Variants in PSMD1 observed in about 807,000 individuals in gnomAD.
The protein encoded by PSMD1 is 26S proteasome non-ATPase regulatory subunit 1.
A neutral mutation model predicts 119.0 loss-of-function variants in PSMD1; 18 were observed. The observed-to-expected ratio is 0.15, with a 90% CI of 0.10 to 0.22. The LOEUF (loss-of-function observed/expected upper bound fraction) is 0.22, where lower values mean the gene tolerates loss of function less well. Among genes scored for constraint, PSMD1 ranks in the 10% least tolerant of loss-of-function variants. The probability of loss-of-function intolerance (pLI) is 1.00; values close to 1 mark genes in which losing one functional copy is unlikely to be tolerated. For missense variants in PSMD1, 702 were observed against 1,158.5 expected, an observed-to-expected ratio of 0.61 and a Z score of 5.72; for synonymous variants, 374 against 396.6, an observed-to-expected ratio of 0.94 and a Z score of 0.68.
intron 23 of PSMD1, among the ~76,000 whole-genome samples, chr2:231,166,249 C>T (rs1221204314): frequency 2.0e-5 from 3 of 152,152 alleles, no homozygotes; most frequent in East Asian, 1.9e-4. Flanking sequence ...AGACATACGA[C>T]GTAGGAGTTC....
chr2:231,083,422 T>G (rs1217826310), intron 13 of PSMD1, 145 bp from the exon 14 acceptor site: 2 of 782,588 alleles, frequency 2.6e-6, no homozygotes, highest in African/African-American at 3.5e-5. Flanking sequence ...TAAAGTATCC[T>G]TTTTACCAGG....
At chr2:231,087,009 A>G (rs1401316717) in intron 15 of PSMD1, 108 bp from the exon 16 acceptor site, 2 of 758,412 alleles carry the variant, frequency 2.6e-6, no homozygotes, top group Non-Finnish European at 4.6e-6. Flanking sequence ...TGATATACCT[A>G]TCAGTAGTGA....
chr2:231,166,763 C>T (rs1696796229), intron 23 of PSMD1, among the ~76,000 whole-genome samples: 1 of 152,150 alleles, frequency 6.6e-6, no homozygotes, highest in African/African-American at 2.4e-5. Context: ...TTTCTAGATC[C>T]TTATCCTTAT....
chr2:231,143,040 T>C (rs766661478), intron 17 of PSMD1, among the ~76,000 whole-genome samples: 3 of 152,048 alleles, frequency 2.0e-5, no homozygotes, highest in African/African-American at 2.4e-5. Flanking sequence ...TATCTGATAA[T>C]CTTACAAGCC....
intron 16 of PSMD1, among the ~76,000 whole-genome samples, chr2:231,099,867 T>C (rs902566693): frequency 3.3e-5 from 5 of 152,182 alleles, no homozygotes; most frequent in African/African-American, 9.7e-5. Flanking sequence ...TGCGGCTTTC[T>C]TACCTTGGTC....
chr2:231,148,429 G>T (rs906737280), intron 18 of PSMD1, among the ~76,000 whole-genome samples: 8 of 152,128 alleles, frequency 5.3e-5, no homozygotes, highest in African/African-American at 1.7e-4. Flanking sequence ...TCCAAAAATG[G>T]CAGAGTCCTT....
intron 18 of PSMD1, among the ~76,000 whole-genome samples, chr2:231,148,078 A>T (rs1436337269): frequency 6.6e-6 from 1 of 152,228 alleles, no homozygotes; most frequent in East Asian, 1.9e-4. Context: ...TGTTTTTATA[A>T]CGTATTACTT....
chr2:231,094,320 C>G (rs145542592), intron 16 of PSMD1, among the ~76,000 whole-genome samples: 2 of 152,014 alleles, frequency 1.3e-5, no homozygotes, highest in Non-Finnish European at 2.9e-5. Flanking sequence ...CAAGCAGTGA[C>G]GTCATAACTT....
Position 231,066,793 on chromosome 2 carries a change from C to T in PSMD1, c.305-113C>T, listed in dbSNP as rs575093304. The T allele has an allele frequency of 1.6e-4, 127 of 818,748 alleles. 2 individuals are homozygous for T. The South Asian group carries it at 2.5e-3, about 16-fold the overall frequency. 50.7% of individuals were successfully genotyped at this position (818,748 alleles called of 1,614,324 possible). A position where few individuals can be genotyped will look rare whatever the true frequency, so the allele number is the denominator to read the frequency against. On this transcript the variant is annotated intron_variant, in intron 4 of 24. Transcript: ENST00000308696. ...ATAAGTTCTAGCATTTCAAAATTTG[C>T]TTATTGCTTTATAGTCATCCCATAA...
At chr2:231,103,858 C>T (rs1379568792) in intron 16 of PSMD1, among the ~76,000 whole-genome samples, 1 of 152,106 alleles carries the variant, frequency 6.6e-6, no homozygotes, top group Non-Finnish European at 1.5e-5. Context: ...GTTATCTTAG[C>T]ATATCATGTA....
chr2:231,097,574 G>C (rs74269078), intron 16 of PSMD1, among the ~76,000 whole-genome samples: 5,334 of 152,190 alleles, frequency 0.035, 109 homozygotes, highest in East Asian at 0.11. Context: ...TCCTTTAACA[G>C]CATCTCTAGT....
rs1260773957 is a variant in PSMD1 at position 231,155,498 on chromosome 2, CTCTT to C, written c.2218+1838_2218+1841del. 7.3e-5 allele frequency among the ~76,000 whole-genome samples: 8 copies of C among 109,496 alleles called. No homozygotes were observed. The East Asian group carries it at 1.2e-3, about 17-fold the overall frequency. 71.8% of individuals were successfully genotyped at this position (109,496 alleles called of 152,430 possible). On this transcript the variant is annotated intron_variant, in intron 19 of 24. Transcript: ENST00000308696. Reference sequence around the variant, plus strand: ...TTTTAGATAATCTCCCTCATATGGCCTCTTTCTTTAAAAAAAAATCCATATCTCC... The same window carrying C: ...TTTTAGATAATCTCCCTCATATGGCCTCTTTAAAAAAAAATCCATATCTCC...
At position 231,097,315 on chromosome 2, in the gene PSMD1, A is replaced by G. The variant is rs1248460921; in HGVS notation, c.1883+10134A>G. On this transcript the variant is annotated intron_variant, in intron 16 of 24. Coordinates refer to ENST00000308696, the MANE Select transcript of PSMD1 (RefSeq NM_002807.4). The stretch of plus-strand genomic sequence containing the variant: ...ATTATTCCTTTCCATTTACTGAACT[A>G]CTTTTCTAGCCATCCTGTAAAGGGG... Among the ~76,000 whole-genome samples the G allele has an allele frequency of 2.0e-5, 3 of 152,210 alleles. No individual in the cohort carries two copies. In the East Asian group the frequency reaches 5.8e-4, roughly 29 times the overall value.
At chr2:231,091,734 T>C (rs572623848) in intron 16 of PSMD1, among the ~76,000 whole-genome samples, 15 of 101,394 alleles carry the variant, frequency 1.5e-4, no homozygotes, top group African/African-American at 5.7e-4. Context: ...CTACGGTGTT[T>C]AGGGATTCTA....
intron 16 of PSMD1, among the ~76,000 whole-genome samples, chr2:231,127,060 C>T (rs183466819): frequency 1.3e-5 from 2 of 152,008 alleles, no homozygotes; most frequent in Non-Finnish European, 2.9e-5. Flanking sequence ...TACACACACA[C>T]AAAACTTTGC....
At chr2:231,095,894 A>G (rs1462423366) in intron 16 of PSMD1, among the ~76,000 whole-genome samples, 3 of 152,200 alleles carry the variant, frequency 2.0e-5, no homozygotes, top group Non-Finnish European at 4.4e-5. Context: ...GGGCTGTTTG[A>G]CAATTCTATA....
At chr2:231,163,472 C>T (rs902791408) in intron 20 of PSMD1, 163 bp from the exon 21 acceptor site, 1 of 540,496 alleles carries the variant, frequency 1.9e-6, no homozygotes, top group Non-Finnish European at 3.3e-6. Context: ...CTGTAAAGAA[C>T]CTAAAAACTA....
At chr2:231,119,976 A>G (rs1186094872) in intron 16 of PSMD1, among the ~76,000 whole-genome samples, 2 of 146,824 alleles carry the variant, frequency 1.4e-5, no homozygotes, top group African/African-American at 2.5e-5. Flanking sequence ...TCCCTGAGAC[A>G]GAGCCTCACC....
At chr2:231,116,978 G>C (rs1268045642) in intron 16 of PSMD1, among the ~76,000 whole-genome samples, 1 of 152,030 alleles carries the variant, frequency 6.6e-6, no homozygotes. Context: ...AAAAGAAAAA[G>C]AGGCTTTTTT....
Sources: allele counts gnomAD v4.1 joint callset (sites outside exome capture counted in the v4.1 genomes callset), GRCh38; gene constraint gnomAD v4.1.1; transcripts MANE v1.5; gene names NCBI Gene and HGNC (gene_info 2026-07-23, HGNC 2026-07-21).